Variants in C12orf42 observed in about 807,000 individuals in gnomAD.
The protein encoded by C12orf42 is uncharacterized protein C12orf42.
Under a neutral mutation model 21.6 loss-of-function variants are expected in C12orf42, and 25 were observed. The observed-to-expected ratio is 1.16, with a 90% CI of 0.84 to 1.62. The LOEUF is 1.62. Among genes scored for constraint, C12orf42 ranks in the 40% most tolerant of loss-of-function variants. The pLI is 0.00. For missense variants in C12orf42, 483 were observed against 459.3 expected (o/e 1.05, Z -0.47); for synonymous variants, 174 against 175.0 (o/e 0.99, Z 0.05).
the C12orf42 span, among the ~76,000 whole-genome samples, chr12:103,516,420 C>T: frequency 2.2e-3 from 342 of 152,286 alleles, 1 homozygote; most frequent in Non-Finnish European, 4.2e-3. Context: ...TTATATTAGT[C>T]TGTTCTCACA....
the C12orf42 span, among the ~76,000 whole-genome samples, chr12:103,560,704 G>A: frequency 6.6e-6 from 1 of 152,184 alleles, no homozygotes; most frequent in Non-Finnish European, 1.5e-5. Context: ...GCCCTGGAGT[G>A]TGACTCCCCA....
At chr12:103,510,605 G>A in the C12orf42 span, among the ~76,000 whole-genome samples, 9 of 152,000 alleles carry the variant, frequency 5.9e-5, no homozygotes, top group African/African-American at 2.2e-4. Context: ...CTGAAACCAG[G>A]GAATTCTGCC....
chr12:103,169,344 G>A, the C12orf42 span, among the ~76,000 whole-genome samples: 3 of 151,672 alleles, frequency 2.0e-5, no homozygotes, highest in Non-Finnish European at 4.4e-5. Context: ...ACTGGGAACC[G>A]AGAGACCCAT....
chr12:103,326,430 AG>A (rs2040712770), intron 4 of C12orf42, among the ~76,000 whole-genome samples: 1 of 152,204 alleles, frequency 6.6e-6, no homozygotes, highest in Admixed American at 6.5e-5. Flanking sequence ...TCCTTGCTCA[AG>A]GCCTTCCAAT....
the C12orf42 span, among the ~76,000 whole-genome samples, chr12:103,189,602 T>C: frequency 6.6e-6 from 1 of 152,122 alleles, no homozygotes; most frequent in Non-Finnish European, 1.5e-5. Flanking sequence ...GGGGTAGGCC[T>C]GAGAGAGACA....
the C12orf42 span, among the ~76,000 whole-genome samples, chr12:103,109,486 C>T: frequency 6.6e-5 from 10 of 151,868 alleles, no homozygotes; most frequent in Admixed American, 1.3e-4. Flanking sequence ...CTGGGACATC[C>T]GGCTTGCCAT....
At chr12:103,347,790 C>T (rs773936800) in intron 4 of C12orf42, among the ~76,000 whole-genome samples, 1 of 152,148 alleles carries the variant, frequency 6.6e-6, no homozygotes, top group Non-Finnish European at 1.5e-5. Context: ...GACTAAAAAA[C>T]AGGAGGGAGA....
the C12orf42 span, among the ~76,000 whole-genome samples, chr12:103,179,920 G>C: frequency 1.3e-5 from 2 of 152,162 alleles, no homozygotes; most frequent in African/African-American, 4.8e-5. Context: ...TTAGACAACA[G>C]GATGGTGACA....
At chr12:103,245,699 A>C (rs2033976330) in intron 10 of C12orf42, among the ~76,000 whole-genome samples, 1 of 152,120 alleles carries the variant, frequency 6.6e-6, no homozygotes, top group South Asian at 2.1e-4. Flanking sequence ...AACATTTATT[A>C]AGCCTTGATA....
the C12orf42 span, among the ~76,000 whole-genome samples, chr12:103,188,499 G>T: frequency 6.6e-6 from 1 of 152,082 alleles, no homozygotes; most frequent in East Asian, 1.9e-4. Context: ...ATGCGATATG[G>T]TTTGGATATT....
At chr12:103,465,005 T>G (rs1264315227) in intron 2 of C12orf42, among the ~76,000 whole-genome samples, 2 of 152,124 alleles carry the variant, frequency 1.3e-5, no homozygotes, top group African/African-American at 4.8e-5. Context: ...AGCATGATGC[T>G]TCCAGCTTTG....
At chr12:103,469,681 C>A (rs1297782975) in intron 2 of C12orf42, among the ~76,000 whole-genome samples, 1 of 152,112 alleles carries the variant, frequency 6.6e-6, no homozygotes, top group Non-Finnish European at 1.5e-5. Context: ...AAGATAGATT[C>A]TCAGAAGGGA....
chr12:103,474,454 ATGTGTGTG>A (rs371887251), intron 2 of C12orf42, among the ~76,000 whole-genome samples: 1 of 149,282 alleles, frequency 6.7e-6, no homozygotes, highest in Non-Finnish European at 1.5e-5. Flanking sequence ...GTATGTATGT[ATGTGTGTG>A]TGTGTGTGTG....
the C12orf42 span, among the ~76,000 whole-genome samples, chr12:103,068,446 G>T: frequency 2.0e-5 from 3 of 152,100 alleles, no homozygotes; most frequent in Non-Finnish European, 2.9e-5. Flanking sequence ...GATCTCAGGA[G>T]ATGTGTATGG....
chr12:103,424,106 C>T (rs1949599135), intron 2 of C12orf42, among the ~76,000 whole-genome samples: 1 of 152,198 alleles, frequency 6.6e-6, no homozygotes, highest in Non-Finnish European at 1.5e-5. Context: ...GCATCTACAC[C>T]AATCATCATG....
rs34930196 is a variant in C12orf42, at chr12:103,368,306, GTC to G, written c.259+579_259+580del. ...TTTATCTGCCTTTCTCTCTCTTTCT[GTC>G]TCTCTCTCTCACACACACACACACA... On this transcript the variant is annotated intron_variant, in intron 4 of 5. Coordinates refer to ENST00000548883, the MANE Select transcript of C12orf42 (RefSeq NM_198521.5). Among the ~76,000 whole-genome samples, 67 of 147,594 alleles carry G rather than the reference GTC, an allele frequency of 4.5e-4. 1 individual carries two copies. Among genetic ancestry groups the G allele is most frequent in the African/African-American group, 7.8e-4 (31 of 39,570 alleles).
intron 4 of C12orf42, among the ~76,000 whole-genome samples, chr12:103,294,344 C>A (rs1593307492): frequency 1.6e-5 from 2 of 126,642 alleles, no homozygotes; most frequent in Non-Finnish European, 3.3e-5. Context: ...AGTGGGAAGC[C>A]TAAACATGGC....
chr12:103,349,689 TTTCA>T (rs1277562241), intron 4 of C12orf42, among the ~76,000 whole-genome samples: 2 of 152,188 alleles, frequency 1.3e-5, no homozygotes, highest in Non-Finnish European at 2.9e-5. Flanking sequence ...TTTTATGCAA[TTTCA>T]AATGCCAAAG....
chr12:103,059,067 G>A, the C12orf42 span, among the ~76,000 whole-genome samples: 6 of 151,986 alleles, frequency 3.9e-5, no homozygotes, highest in African/African-American at 1.4e-4. Context: ...TAACAAAGTA[G>A]ATAGACCACT....
Sources: allele counts gnomAD v4.1 joint callset (sites outside exome capture counted in the v4.1 genomes callset), GRCh38; gene constraint gnomAD v4.1.1; transcripts MANE v1.5; gene names NCBI Gene and HGNC (gene_info 2026-07-23, HGNC 2026-07-21).